The following DNAJC24 variants were observed in gnomAD, a reference collection of about 807,000 sequenced individuals.
DNAJC24 encodes the protein DnaJ heat shock protein family (Hsp40) member C24, also known as dnaJ homolog subfamily C member 24.
A neutral mutation model predicts 18.0 loss-of-function variants in DNAJC24; 17 were observed. The observed-to-expected ratio is 0.94, with a 90% CI of 0.65 to 1.42. The LOEUF (loss-of-function observed/expected upper bound fraction) is 1.42, where lower values mean the gene tolerates loss of function less well. Ranked by LOEUF, DNAJC24 falls within the 40% of genes most tolerant of loss-of-function variation. The pLI is 0.00. For synonymous variants in DNAJC24, 55 were observed against 57.7 expected (o/e 0.95, Z 0.21); for missense variants, 158 against 175.6 (o/e 0.90, Z 0.57).
At chr11:31,414,640 A>G (rs1952737291) in intron 2 of DNAJC24, among the ~76,000 whole-genome samples, 171 bp from the exon 3 acceptor site, 1 of 152,208 alleles carries the variant, frequency 6.6e-6, no homozygotes, top group African/African-American at 2.4e-5. Context: ...CAGTGGTCTA[A>G]TTAACCTGGC....
intron 2 of DNAJC24, among the ~76,000 whole-genome samples, chr11:31,410,662 T>A (rs1591916359): frequency 6.6e-6 from 1 of 152,248 alleles, no homozygotes; most frequent in Admixed American, 6.5e-5. Context: ...TTTATGTGTA[T>A]GATTCATTCT....
chr11:31,378,593 A>C (rs773173488), intron 2 of DNAJC24, among the ~76,000 whole-genome samples: 2 of 152,108 alleles, frequency 1.3e-5, no homozygotes, highest in African/African-American at 2.4e-5. Context: ...ATTATGACAC[A>C]CTTTACATAT....
At chr11:31,376,371 C>A (rs988850587) in intron 2 of DNAJC24, among the ~76,000 whole-genome samples, 2 of 152,100 alleles carry the variant, frequency 1.3e-5, no homozygotes, top group Non-Finnish European at 2.9e-5. Flanking sequence ...TATCAGTGGT[C>A]CTTATATTAC....
intron 2 of DNAJC24, among the ~76,000 whole-genome samples, chr11:31,404,765 C>A (rs1451215852): frequency 6.6e-6 from 1 of 152,076 alleles, no homozygotes; most frequent in East Asian, 1.9e-4. Context: ...GTATGCTGCT[C>A]TTTGAAATTC....
chr11:31,414,722 TAACTA>T lies in DNAJC24; in HGVS notation c.112-86_112-82del, dbSNP rs920550463. 2.9e-6 allele frequency: 4 copies of T among 1,383,968 alleles called. No homozygotes were observed. In the African/African-American group the frequency reaches 5.8e-5, roughly 20 times the overall value. 85.7% of individuals were successfully genotyped at this position (1,383,968 alleles called of 1,614,324 possible). A position where few individuals can be genotyped will look rare whatever the true frequency, so the allele number is the denominator to read the frequency against. On this transcript the variant is annotated intron_variant, in intron 2 of 4. Coordinates refer to ENST00000465995, the MANE Select transcript of DNAJC24 (RefSeq NM_181706.5). ...GGTTTTCATCTTCTCATTACCTTCT[TAACTA>T]AAGCTCAGATTTACAATTTTTTTAA...
chr11:31,430,191 A>G, intron 4 of DNAJC24, 80 bp from the exon 5 acceptor site: 1 of 1,266,608 alleles, frequency 7.9e-7, no homozygotes. Flanking sequence ...TTCCTATGGA[A>G]TAAACTCTGC....
At chr11:31,396,440 G>C (rs888116446) in intron 2 of DNAJC24, 30 of 338,422 alleles carry the variant, frequency 8.9e-5, no homozygotes, top group South Asian at 7.6e-4. Flanking sequence ...AAGATTCTTA[G>C]AGGAGTTCAT....
At chr11:31,377,580 T>A (rs1302444749) in intron 2 of DNAJC24, among the ~76,000 whole-genome samples, 1 of 152,144 alleles carries the variant, frequency 6.6e-6, no homozygotes, top group Non-Finnish European at 1.5e-5. Flanking sequence ...AAATTTTTTT[T>A]AGTTTTCTAT....
At chr11:31,428,634 G>T (rs563926384) in intron 4 of DNAJC24, among the ~76,000 whole-genome samples, 5 of 152,252 alleles carry the variant, frequency 3.3e-5, no homozygotes, top group Non-Finnish European at 5.9e-5. Flanking sequence ...TCAAAGGGCA[G>T]TATGAAATGA....
At chr11:31,398,966 A>G (rs1160909767) in intron 2 of DNAJC24, among the ~76,000 whole-genome samples, 3 of 152,132 alleles carry the variant, frequency 2.0e-5, no homozygotes, top group Non-Finnish European at 2.9e-5. Context: ...TACCCTCCCT[A>G]CTGCTAATCG....
intron 2 of DNAJC24, among the ~76,000 whole-genome samples, chr11:31,390,362 C>T (rs1194766968): frequency 1.0e-4 from 14 of 137,456 alleles, no homozygotes; most frequent in Admixed American, 7.1e-4. Context: ...TGCCACTACA[C>T]GCCAGCCTGG....
At chr11:31,411,498 G>A (rs772460921) in intron 2 of DNAJC24, among the ~76,000 whole-genome samples, 18 of 152,132 alleles carry the variant, frequency 1.2e-4, no homozygotes, top group South Asian at 6.2e-4. Flanking sequence ...TGTTGGCAGC[G>A]CTGCACTCCC....
chr11:31,401,540 C>G (rs1021381859), intron 2 of DNAJC24, among the ~76,000 whole-genome samples: 6 of 152,098 alleles, frequency 3.9e-5, no homozygotes, highest in Admixed American at 6.5e-5. Flanking sequence ...CCTCCGCCCC[C>G]CCACTTCCTC....
chr11:31,395,991 A>G (rs1057112329), intron 2 of DNAJC24, among the ~76,000 whole-genome samples: 1 of 152,182 alleles, frequency 6.6e-6, no homozygotes, highest in African/African-American at 2.4e-5. Context: ...GCTCTTCAAA[A>G]AATTCTTCAT....
chr11:31,394,359 A>G (rs1329131392), intron 2 of DNAJC24, among the ~76,000 whole-genome samples: 1 of 152,224 alleles, frequency 6.6e-6, no homozygotes, highest in Non-Finnish European at 1.5e-5. Context: ...ACCACTCTGC[A>G]CATGTCACCA....
In DNAJC24 at chr11:31,432,737, CTT is replaced by C. The variant is rs1156843437; in HGVS notation, c.*2337_*2338del. On this transcript the variant is annotated 3_prime_UTR_variant, in exon 5 of 5. Transcript: ENST00000465995. Reference sequence around the variant, plus strand: ...TCAAAGTAAGACTTGAGAAAATAAACTTATGTGTATATATGTTTAAACTCCAA... The same window carrying C: ...TCAAAGTAAGACTTGAGAAAATAAACATGTGTATATATGTTTAAACTCCAA... Among the ~76,000 whole-genome samples the C allele has an allele frequency of 6.6e-6, 1 of 152,116 alleles. No individual in the cohort carries two copies. The highest frequency in any genetic ancestry group is 1.5e-5 in the Non-Finnish European group (1 of 68,016).
chr11:31,389,959 A>T (rs1295085870), intron 2 of DNAJC24, among the ~76,000 whole-genome samples: 1 of 152,216 alleles, frequency 6.6e-6, no homozygotes, highest in East Asian at 1.9e-4. Context: ...TTCTTGAAAC[A>T]AATGTTAAAA....
chr11:31,402,656 G>A (rs1276040992), intron 2 of DNAJC24, among the ~76,000 whole-genome samples: 1 of 152,056 alleles, frequency 6.6e-6, no homozygotes, highest in African/African-American at 2.4e-5. Flanking sequence ...CTGCAGACGT[G>A]TGCCACCATG....
chr11:31,390,030 A>G (rs185543615), intron 2 of DNAJC24, among the ~76,000 whole-genome samples: 2 of 152,334 alleles, frequency 1.3e-5, no homozygotes, highest in African/African-American at 4.8e-5. Context: ...AGGGAAGTTT[A>G]TAGCAATAGG....
Sources: allele counts gnomAD v4.1 joint callset (sites outside exome capture counted in the v4.1 genomes callset), GRCh38; gene constraint gnomAD v4.1.1; transcripts MANE v1.5; gene names NCBI Gene and HGNC (gene_info 2026-07-23, HGNC 2026-07-21).